The following TMIGD3 variants were observed in gnomAD, a reference collection of about 807,000 sequenced individuals.
The protein encoded by TMIGD3 is AD026 protein (AD026).
TMIGD3 carries 21 observed loss-of-function variants against 28.1 expected under a neutral mutation model. That is an observed-to-expected ratio of 0.75 (90% CI 0.53 to 1.08). The LOEUF (loss-of-function observed/expected upper bound fraction) is 1.08. Among genes scored for constraint, TMIGD3 ranks in the 50% least tolerant of loss-of-function variants. TMIGD3 has a pLI of 0.00. For missense variants in TMIGD3, 416 were observed against 435.6 expected (o/e 0.96, Z 0.40); for synonymous variants, 151 against 162.1 (o/e 0.93, Z 0.52).
intron 1 of TMIGD3, among the ~76,000 whole-genome samples, chr1:111,502,798 T>G (rs1456877221): frequency 6.6e-6 from 1 of 152,022 alleles, no homozygotes; most frequent in Non-Finnish European, 1.5e-5. Context: ...GAGAAAGGAT[T>G]GGAGCATTCC....
Position 111,483,530 on chromosome 1 carries a change from C to T in TMIGD3, c.*157G>A, listed in dbSNP as rs7737. 0.24 allele frequency: 163,372 copies of T among 686,096 alleles called. 22,332 individuals are homozygous for T. Among genetic ancestry groups the T allele is most frequent in the Middle Eastern group, 0.42 (1,092 of 2,606 alleles). 42.5% of individuals were successfully genotyped at this position (686,096 alleles called of 1,614,324 possible). On this transcript the variant is annotated 3_prime_UTR_variant, in exon 6 of 6. Coordinates refer to ENST00000369716, the MANE Select transcript of TMIGD3 (RefSeq NM_020683.7). Reference sequence around the variant, plus strand: ...GGTCTATCATAGCTCCTCTGACTACCGCCGTTGCTACCTGGCTGCAAATGA... The same window carrying T: ...GGTCTATCATAGCTCCTCTGACTACTGCCGTTGCTACCTGGCTGCAAATGA...
upstream of TMIGD3, chr1:111,503,826 C>G (rs530822198): frequency 1.0e-6 from 1 of 1,001,448 alleles, no homozygotes; most frequent in South Asian, 4.2e-5. Flanking sequence ...AGAAGAGGAG[C>G]CATGAGTGGC....
chr1:111,518,511 G>T (rs1655939638), intron 1 of TMIGD3, among the ~76,000 whole-genome samples: 1 of 152,162 alleles, frequency 6.6e-6, no homozygotes, highest in South Asian at 2.1e-4. Flanking sequence ...ATTACTAAAT[G>T]GTCCCTGGGA....
At chr1:111,541,175 T>C (rs757130480) in intron 1 of TMIGD3, among the ~76,000 whole-genome samples, 8 of 152,204 alleles carry the variant, frequency 5.3e-5, no homozygotes, top group Non-Finnish European at 8.8e-5. Flanking sequence ...GCAAGCCAGA[T>C]TTGGCTCAGG....
intron 1 of TMIGD3, among the ~76,000 whole-genome samples, chr1:111,544,538 A>C: frequency 6.6e-6 from 1 of 152,266 alleles, no homozygotes; most frequent in East Asian, 1.9e-4. Flanking sequence ...TTGTATCAGT[A>C]TATCAGTCAT....
intron 1 of TMIGD3, chr1:111,500,584 C>A: frequency 1.2e-6 from 2 of 1,605,062 alleles, no homozygotes; most frequent in Non-Finnish European, 1.7e-6. Context: ...GTCAGTGAGT[C>A]CACAGCAGTA....
chr1:111,542,888 G>T (rs1484058351), intron 1 of TMIGD3, among the ~76,000 whole-genome samples: 1 of 151,962 alleles, frequency 6.6e-6, no homozygotes, highest in Non-Finnish European at 1.5e-5. Flanking sequence ...ATAGAGATGG[G>T]GTTTCACCAT....
chr1:111,539,347 G>C (rs1483890177), intron 1 of TMIGD3, among the ~76,000 whole-genome samples: 1 of 152,098 alleles, frequency 6.6e-6, no homozygotes, highest in Non-Finnish European at 1.5e-5. Flanking sequence ...CGCCAGGCTG[G>C]AGTGCAGTGG....
chr1:111,533,340 T>G (rs186010600), intron 1 of TMIGD3, among the ~76,000 whole-genome samples: 143 of 152,318 alleles, frequency 9.4e-4, no homozygotes, highest in Middle Eastern at 3.4e-3. Flanking sequence ...ATTCAATGGT[T>G]ATCTGCATTC....
intron 1 of TMIGD3, among the ~76,000 whole-genome samples, chr1:111,541,649 G>C (rs997197401): frequency 2.6e-5 from 4 of 151,600 alleles, no homozygotes; most frequent in Non-Finnish European, 4.4e-5. Context: ...AAGAATAAAA[G>C]AGGTAACAAG....
chr1:111,505,963 G>A (rs138974474), upstream of TMIGD3, among the ~76,000 whole-genome samples: 1,019 of 152,254 alleles, frequency 6.7e-3, 11 homozygotes, highest in African/African-American at 0.023. Flanking sequence ...TGAGCAACTC[G>A]TGGCTCAGAG....
intron 1 of TMIGD3, among the ~76,000 whole-genome samples, chr1:111,541,523 G>A (rs1656822225): frequency 6.6e-6 from 1 of 152,178 alleles, no homozygotes; most frequent in Non-Finnish European, 1.5e-5. Context: ...CAAGTTGGAG[G>A]TGTCAATGAA....
At chr1:111,533,726 T>A (rs906168417) in intron 1 of TMIGD3, among the ~76,000 whole-genome samples, 1 of 152,150 alleles carries the variant, frequency 6.6e-6, no homozygotes, top group Non-Finnish European at 1.5e-5. Flanking sequence ...GCTAATTTTT[T>A]GTATTTATCG....
intron 1 of TMIGD3, among the ~76,000 whole-genome samples, chr1:111,537,694 G>A (rs1176595002): frequency 6.6e-6 from 1 of 152,140 alleles, no homozygotes; most frequent in Non-Finnish European, 1.5e-5. Flanking sequence ...GAATTAGAAA[G>A]AAAGTCTGGA....
intron 1 of TMIGD3, among the ~76,000 whole-genome samples, chr1:111,552,151 C>A (rs1657286576): frequency 6.6e-6 from 1 of 152,222 alleles, no homozygotes; most frequent in South Asian, 2.1e-4. Context: ...TAGGGCTGGG[C>A]AAGCTCTGAA....
At chr1:111,560,516 G>C (rs1289737806) in intron 1 of TMIGD3, among the ~76,000 whole-genome samples, 1 of 138,496 alleles carries the variant, frequency 7.2e-6, no homozygotes, top group African/African-American at 3.0e-5. Flanking sequence ...ATTAGAGACA[G>C]GGTCTTCTGT....
At chr1:111,506,037 C>T (rs1655476279), upstream of TMIGD3, among the ~76,000 whole-genome samples, 1 of 152,158 alleles carries the variant, frequency 6.6e-6, no homozygotes, top group Non-Finnish European at 1.5e-5. Flanking sequence ...GGGCCCTTCT[C>T]CCCCAAGTCC....
chr1:111,539,906 T>G (rs1306457124), intron 1 of TMIGD3, among the ~76,000 whole-genome samples: 1 of 152,148 alleles, frequency 6.6e-6, no homozygotes, highest in Non-Finnish European at 1.5e-5. Flanking sequence ...AGACAGACAT[T>G]AGAAACACAT....
chr1:111,531,626 C>T (rs1310997402), intron 1 of TMIGD3, among the ~76,000 whole-genome samples: 1 of 152,118 alleles, frequency 6.6e-6, no homozygotes, highest in Non-Finnish European at 1.5e-5. Context: ...CCTTTACATG[C>T]CAGATGATTT....
Sources: gnomAD v4.1 joint callset for allele counts (sites outside exome capture counted in the v4.1 genomes callset) on GRCh38, gnomAD v4.1.1 for gene constraint, MANE v1.5 for transcripts, NCBI Gene and HGNC (gene_info 2026-07-23, HGNC 2026-07-21) for gene names.